The following TXNDC12 variants were observed in gnomAD, a reference collection of about 807,000 sequenced individuals.
TXNDC12 encodes the protein thioredoxin domain-containing protein 12.
TXNDC12 carries 22 observed loss-of-function variants against 24.2 expected under a neutral mutation model. The ratio of observed to expected loss-of-function variants is 0.91; its 90% CI spans 0.65 to 1.30. The LOEUF is 1.30. Among genes scored for constraint, TXNDC12 ranks in the 50% most tolerant of loss-of-function variants. The probability of loss-of-function intolerance (pLI) is 0.00; values close to 1 mark genes in which losing one functional copy is unlikely to be tolerated. For synonymous variants in TXNDC12, 58 were observed against 73.4 expected (o/e 0.79, Z 1.07); for missense variants, 184 against 205.8 (o/e 0.89, Z 0.65).
In TXNDC12 at chr1:52,022,734, G is replaced by A. The variant is rs187494151; in HGVS notation, c.439+757C>T. Among the ~76,000 whole-genome samples, 11 of 147,522 alleles carry A rather than the reference G, an allele frequency of 7.5e-5. No individual in the cohort carries two copies. In the East Asian group the frequency reaches 1.0e-3, roughly 14 times the overall value. On this transcript the variant is annotated intron_variant, in intron 6 of 6. Coordinates refer to ENST00000371626, the MANE Select transcript of TXNDC12 (RefSeq NM_015913.4). ...TGGCTCACTGCAACCTCTGCCTCTC[G>A]GGTTCACGCCATTCTCCTGCCTCAG...
chr1:52,032,953 A>C (rs1184966964), intron 2 of TXNDC12: 1 of 1,591,018 alleles, frequency 6.3e-7, no homozygotes, highest in East Asian at 2.2e-5. Context: ...CTGGTGCAGA[A>C]AGCTGCCGGA....
At chr1:52,028,932 A>T (rs1188696757) in intron 2 of TXNDC12, among the ~76,000 whole-genome samples, 2 of 152,186 alleles carry the variant, frequency 1.3e-5, no homozygotes, top group African/African-American at 2.4e-5. Flanking sequence ...ATTCAAGACC[A>T]GCCTGGCCAA....
At chr1:52,045,948 C>T (rs957268483) in intron 1 of TXNDC12, among the ~76,000 whole-genome samples, 3 of 152,118 alleles carry the variant, frequency 2.0e-5, no homozygotes, top group African/African-American at 7.2e-5. Flanking sequence ...GATGGTGGCT[C>T]ATGCCTGTAA....
chr1:52,039,322 G>GT (rs1685943782), intron 2 of TXNDC12, among the ~76,000 whole-genome samples: 1 of 151,206 alleles, frequency 6.6e-6, no homozygotes, highest in Non-Finnish European at 1.5e-5. Context: ...TGCAAGAGTT[G>GT]TAAGAGATTA....
At chr1:52,053,685 CA>C (rs60974198) in intron 1 of TXNDC12, among the ~76,000 whole-genome samples, 9 of 149,772 alleles carry the variant, frequency 6.0e-5, no homozygotes, top group African/African-American at 2.2e-4. Context: ...AAAACAACAA[CA>C]AAAAAAAACG....
intron 6 of TXNDC12, among the ~76,000 whole-genome samples, chr1:52,021,580 A>AAAG (rs1553234392): frequency 6.6e-6 from 1 of 150,550 alleles, no homozygotes; most frequent in Non-Finnish European, 1.5e-5. Flanking sequence ...AAAAAAAAAA[A>AAAG]AGAGAGAGAG....
rs1051473358 is a variant in TXNDC12 at position 52,023,952 on chromosome 1, T to A, written c.356-378A>T. Reference sequence around the variant, plus strand: ...AATACAGTGCTTGACATATGGCTGATGCGCAAATGGCTATTGAAGTGAATA... The same window carrying A: ...AATACAGTGCTTGACATATGGCTGAAGCGCAAATGGCTATTGAAGTGAATA... On this transcript the variant is annotated intron_variant, in intron 5 of 6. Transcript: ENST00000371626. 2.0e-5 allele frequency among the ~76,000 whole-genome samples: 3 copies of A among 152,198 alleles called. No homozygotes were observed. The East Asian group carries it at 5.8e-4, about 29-fold the overall frequency.
intron 5 of TXNDC12, among the ~76,000 whole-genome samples, chr1:52,024,194 C>T (rs372014429): frequency 2.0e-5 from 3 of 152,092 alleles, no homozygotes; most frequent in Non-Finnish European, 4.4e-5. Context: ...GGGCTTTCAC[C>T]GTGTTGCCCA....
At chr1:52,032,350 A>G in intron 2 of TXNDC12, 2 of 1,054,716 alleles carry the variant, frequency 1.9e-6, no homozygotes, top group Non-Finnish European at 2.3e-6. Context: ...AACAATTCTC[A>G]TCTATCCAGT....
rs781652176 is a variant in TXNDC12 at position 52,027,280 on chromosome 1, G to T, written c.280C>A (p.Leu94Ile). Residue 94 changes from leucine (L) to isoleucine (I), a missense_variant, in exon 4 of 7, where the codon CTT becomes ATT. Coordinates refer to ENST00000371626, the MANE Select transcript of TXNDC12 (RefSeq NM_015913.4). Reference sequence around the variant, plus strand: ...AGAAACTCTCAAAGTCTTACCTCAAGATTTACCATAACAAAATTATGGGAG... The same window carrying T: ...AGAAACTCTCAAAGTCTTACCTCAATATTTACCATAACAAAATTATGGGAG... ...ELSHNFVMVNLEDEEEPKDED... is the reference protein window; with the variant it reads ...ELSHNFVMVNIEDEEEPKDED... 6.2e-7 allele frequency: 1 copy of T among 1,610,828 alleles called. No homozygotes were observed. Among genetic ancestry groups the T allele is most frequent in the Non-Finnish European group, 8.5e-7 (1 of 1,177,482 alleles).
At chr1:52,039,242 A>G (rs1234188995) in intron 2 of TXNDC12, among the ~76,000 whole-genome samples, 2 of 152,034 alleles carry the variant, frequency 1.3e-5, no homozygotes, top group East Asian at 3.8e-4. Flanking sequence ...AGCATCACCA[A>G]TGGCACCTTG....
At chr1:52,045,119 A>G (rs1686067403) in intron 1 of TXNDC12, among the ~76,000 whole-genome samples, 1 of 152,242 alleles carries the variant, frequency 6.6e-6, no homozygotes. Context: ...GACATTGAAG[A>G]ACCTTAAACA....
intron 1 of TXNDC12, among the ~76,000 whole-genome samples, chr1:52,041,956 A>C (rs1686001808): frequency 1.3e-5 from 2 of 152,260 alleles, no homozygotes; most frequent in Non-Finnish European, 2.9e-5. Flanking sequence ...TAACCAATTG[A>C]AGGTGATTCA....
At chr1:52,032,960 C>G (rs1368485759) in intron 2 of TXNDC12, 1 of 1,586,710 alleles carries the variant, frequency 6.3e-7, no homozygotes, top group Non-Finnish European at 8.6e-7. Flanking sequence ...AGAAAGCTGC[C>G]GGAGGCGAGG....
At chr1:52,046,899 C>T (rs1020739979) in intron 1 of TXNDC12, among the ~76,000 whole-genome samples, 1 of 144,436 alleles carries the variant, frequency 6.9e-6, no homozygotes, top group Non-Finnish European at 1.5e-5. Flanking sequence ...ATATATTAGC[C>T]GGGTATGGTG....
intron 1 of TXNDC12, chr1:52,050,817 A>G (rs1686187046): frequency 6.0e-6 from 1 of 166,766 alleles, no homozygotes; most frequent in Non-Finnish European, 1.5e-5. Flanking sequence ...CACACTTCAT[A>G]TGTGTTAGTG....
At chr1:52,026,979 C>T (rs12045015) in intron 4 of TXNDC12, among the ~76,000 whole-genome samples, 2,740 of 151,690 alleles carry the variant, frequency 0.018, 94 homozygotes, top group East Asian at 0.13. Flanking sequence ...GAGGTTGCAG[C>T]GAGCCAGGAT....
In TXNDC12 at chr1:52,033,360, C is replaced by T. The variant is rs1481566627; in HGVS notation, c.159-4730G>A. On this transcript the variant is annotated intron_variant, in intron 2 of 6. Coordinates refer to ENST00000371626, the MANE Select transcript of TXNDC12 (RefSeq NM_015913.4). ...TCCCGTCCTCCTCAGCGCGTGGCCGCCAACTCACACTGACGTTCCGGCCAG... is the reference window on the plus strand; with the variant it reads ...TCCCGTCCTCCTCAGCGCGTGGCCGTCAACTCACACTGACGTTCCGGCCAG... 1.9e-6 allele frequency: 3 copies of T among 1,613,742 alleles called. No individual in the cohort carries two copies. The Admixed American group carries it at 5.0e-5, about 27-fold the overall frequency.
chr1:52,040,614 G>T (rs900392687), intron 2 of TXNDC12, among the ~76,000 whole-genome samples: 13 of 152,066 alleles, frequency 8.5e-5, no homozygotes, highest in African/African-American at 3.1e-4. Flanking sequence ...TAAGTTTTTT[G>T]ATATTTCTAG....
Sources: gnomAD v4.1 joint callset for allele counts (sites outside exome capture counted in the v4.1 genomes callset) on GRCh38, gnomAD v4.1.1 for gene constraint, MANE v1.5 for transcripts, NCBI Gene and HGNC (gene_info 2026-07-23, HGNC 2026-07-21) for gene names.